ZBTB7C: variants seen among roughly 807,000 people sequenced by gnomAD.
ZBTB7C encodes zinc finger and BTB domain-containing protein 7C.
Under a neutral mutation model 25.7 loss-of-function variants are expected in ZBTB7C, and 8 were observed. The ratio of observed to expected loss-of-function variants is 0.31; its 90% CI spans 0.18 to 0.56. The LOEUF (loss-of-function observed/expected upper bound fraction) is 0.56, where lower values mean the gene tolerates loss of function less well. ZBTB7C is among the 20% of genes least tolerant of loss of function. The pLI, the probability that ZBTB7C is intolerant of heterozygous loss-of-function variation, is 0.91. For synonymous variants in ZBTB7C, 394 were observed against 369.0 expected, an observed-to-expected ratio of 1.07 and a Z score of -0.78; for missense variants, 824 against 855.2, an observed-to-expected ratio of 0.96 and a Z score of 0.46.
chr18:48,233,727 A>G (rs1424355058), intron 2 of ZBTB7C, among the ~76,000 whole-genome samples: 4 of 152,238 alleles, frequency 2.6e-5, no homozygotes, highest in Admixed American at 2.6e-4. Flanking sequence ...GGGTGTTCAT[A>G]GTTTCTGGGA....
chr18:48,303,816 A>G (rs1266995735), intron 2 of ZBTB7C, among the ~76,000 whole-genome samples: 1 of 152,260 alleles, frequency 6.6e-6, no homozygotes, highest in African/African-American at 2.4e-5. Flanking sequence ...TCCCTTTTTC[A>G]AGGTGAAACC....
intron 3 of ZBTB7C, among the ~76,000 whole-genome samples, chr18:48,166,965 T>C (rs1047412736): frequency 6.6e-6 from 1 of 152,168 alleles, no homozygotes; most frequent in Non-Finnish European, 1.5e-5. Flanking sequence ...CCTCTTCCTC[T>C]GACCTCAACC....
chr18:48,038,565 T>C (rs927378682), intron 4 of ZBTB7C, among the ~76,000 whole-genome samples: 2 of 151,032 alleles, frequency 1.3e-5, no homozygotes, highest in African/African-American at 4.9e-5. Context: ...TTTTTTTTTT[T>C]CCTGGAAAAG....
At position 48,231,764 on chromosome 18, in the gene ZBTB7C, G is replaced by A. The variant is rs149521514; in HGVS notation, c.-78-45769C>T. On this transcript the variant is annotated intron_variant, in intron 2 of 4. Coordinates refer to ENST00000590800, the MANE Select transcript of ZBTB7C (RefSeq NM_001318841.2). ...GAAGAGAGAAGGAGAGAAGAGCTGC[G>A]GCCCTTTGGGAAGCCCAGACCAAGG... 1.3e-3 allele frequency among the ~76,000 whole-genome samples: 202 copies of A among 152,324 alleles called. 1 individual carries two copies. The highest frequency in any genetic ancestry group is 4.6e-3 in the African/African-American group (193 of 41,572).
At chr18:48,357,749 GACA>G (rs2145080657) in intron 1 of ZBTB7C, among the ~76,000 whole-genome samples, 1 of 152,334 alleles carries the variant, frequency 6.6e-6, no homozygotes, top group South Asian at 2.1e-4. Flanking sequence ...AGTGGCCTGA[GACA>G]ACAAAAGTGG....
intron 2 of ZBTB7C, among the ~76,000 whole-genome samples, chr18:48,188,574 C>T (rs2042119033): frequency 6.6e-6 from 1 of 152,244 alleles, no homozygotes; most frequent in South Asian, 2.1e-4. Context: ...TATATCAGAG[C>T]CCATGGCTCA....
intron 2 of ZBTB7C, among the ~76,000 whole-genome samples, chr18:48,201,593 GTCCTGCCTCTCC>G (rs2042450019): frequency 1.3e-5 from 2 of 151,854 alleles, no homozygotes; most frequent in Admixed American, 6.6e-5. Flanking sequence ...CACTCCAGGT[GTCCTGCCTCTCC>G]TCCTGCCTCT....
rs571303179 is a variant in ZBTB7C, at chr18:48,385,835, AG to A, written c.-304+23390del. Among the ~76,000 whole-genome samples the A allele has an allele frequency of 8.5e-5, 13 of 152,306 alleles. 1 individual carries two copies. The South Asian group carries it at 2.3e-3, about 27-fold the overall frequency. On this transcript the variant is annotated intron_variant, in intron 1 of 4. Coordinates refer to ENST00000590800, the MANE Select transcript of ZBTB7C (RefSeq NM_001318841.2). ...CCCACACGACGTGCTGCTGGCAGCC[AG>A]GGTGGCAGACACACGGCCCATGTGT...
chr18:48,267,459 C>A (rs920049208), intron 2 of ZBTB7C, among the ~76,000 whole-genome samples: 2 of 152,180 alleles, frequency 1.3e-5, no homozygotes, highest in African/African-American at 4.8e-5. Flanking sequence ...AGTCTTTTCA[C>A]GACTGGGTCT....
chr18:48,140,676 T>C (rs1009455582), intron 3 of ZBTB7C, among the ~76,000 whole-genome samples: 1 of 151,876 alleles, frequency 6.6e-6, no homozygotes, highest in Admixed American at 6.6e-5. Flanking sequence ...GAGAGGGAGG[T>C]TGGCCTTTGC....
Position 48,040,384 on chromosome 18 carries a change from G to A in ZBTB7C, c.724C>T (p.Pro242Ser). Residue 242 changes from proline (P) to serine (S), a missense_variant, in exon 4 of 5, where the codon CCC becomes TCC. This residue lies in a region of ZBTB7C where 316 missense variants were observed against 299.2 expected (regional missense o/e 1.06). Transcript: ENST00000590800. ...RENLYPKANI[P>S]DRRPSLSPFA... The stretch of plus-strand genomic sequence containing the variant: ...GGAGACAAGGAGGGTCTCCTGTCGG[G>A]GATGTTGGCCTTGGGGTACAGGTTC... 1 of 1,612,204 alleles carries A rather than the reference G, an allele frequency of 6.2e-7. No individual in the cohort carries two copies. The highest frequency in any genetic ancestry group is 8.5e-7 in the Non-Finnish European group (1 of 1,179,034).
chr18:48,178,979 G>T (rs1175009904), intron 3 of ZBTB7C, among the ~76,000 whole-genome samples: 3 of 152,280 alleles, frequency 2.0e-5, no homozygotes, highest in African/African-American at 4.8e-5. Context: ...CAGGAGTGTG[G>T]CTTCTCATAT....
chr18:48,226,099 G>A (rs887198193), intron 2 of ZBTB7C, among the ~76,000 whole-genome samples: 2 of 152,188 alleles, frequency 1.3e-5, no homozygotes, highest in Non-Finnish European at 2.9e-5. Flanking sequence ...CGTCATCTCA[G>A]ACTGTTCCAG....
rs58790347 is a variant in ZBTB7C, at chr18:48,102,564, C to CAA, written c.-16-61443_-16-61442dup. Among the ~76,000 whole-genome samples, 331 of 95,562 alleles carry CAA rather than the reference C, an allele frequency of 3.5e-3. 1 individual carries two copies. The highest frequency in any genetic ancestry group is 0.013 in the African/African-American group (310 of 23,938). The allele number at this position is 95,562 out of a possible 152,430, so 62.7% of individuals were successfully genotyped here. A position where few individuals can be genotyped will look rare whatever the true frequency, so the allele number is the denominator to read the frequency against. Reference sequence around the variant, plus strand: ...TGGGTGACAGAGTGAGATCCTCCCTCAAAAAAAAAAAAAAAAAAAAAAGTA... The same window carrying CAA: ...TGGGTGACAGAGTGAGATCCTCCCTCAAAAAAAAAAAAAAAAAAAAAAAAGTA... On this transcript the variant is annotated intron_variant, in intron 3 of 4. Coordinates refer to ENST00000590800, the MANE Select transcript of ZBTB7C (RefSeq NM_001318841.2).
intron 2 of ZBTB7C, among the ~76,000 whole-genome samples, chr18:48,290,714 T>G (rs1319720507): frequency 2.0e-5 from 3 of 152,208 alleles, no homozygotes; most frequent in Non-Finnish European, 2.9e-5. Flanking sequence ...TGGCAAGGCC[T>G]CGCCATCTCA....
chr18:48,169,779 T>TC (rs58564488), intron 3 of ZBTB7C: 54,029 of 144,328 alleles, frequency 0.37, 11,216 homozygotes, highest in East Asian at 0.54. Flanking sequence ...TCCCTTTTTT[T>TC]TCTTAAAGAT....
chr18:48,346,850 T>C (rs1275252666), intron 1 of ZBTB7C, among the ~76,000 whole-genome samples: 1 of 151,942 alleles, frequency 6.6e-6, no homozygotes, highest in African/African-American at 2.4e-5. Context: ...ACTGGTGGGA[T>C]CTTGGGTCAC....
At chr18:48,179,814 T>TC (rs2041834060) in intron 3 of ZBTB7C, among the ~76,000 whole-genome samples, 1 of 139,600 alleles carries the variant, frequency 7.2e-6, no homozygotes, top group African/African-American at 2.7e-5. Context: ...CTTATTTCCT[T>TC]CCTTCCTCCC....
chr18:48,362,063 A>T (rs1039347884), intron 1 of ZBTB7C, among the ~76,000 whole-genome samples: 2 of 152,206 alleles, frequency 1.3e-5, no homozygotes, highest in African/African-American at 4.8e-5. Flanking sequence ...GTCTCCTAGC[A>T]GATGAAGTGA....
Sources: gnomAD v4.1 joint callset for allele counts (sites outside exome capture counted in the v4.1 genomes callset) on GRCh38, gnomAD v4.1.1 for gene constraint, gnomAD v4.1.1 regional missense constraint, MANE v1.5 for transcripts, NCBI Gene and HGNC (gene_info 2026-07-23, HGNC 2026-07-21) for gene names.